DLG1: variants seen among roughly 807,000 people sequenced by gnomAD.
DLG1 encodes discs large MAGUK scaffold protein 1.
DLG1 carries 42 observed loss-of-function variants against 123.4 expected under a neutral mutation model. The observed-to-expected ratio is 0.34, with a 90% confidence interval of 0.27 to 0.44. DLG1 has a LOEUF of 0.44. Among genes scored for constraint, DLG1 ranks in the 20% least tolerant of loss-of-function variants. The pLI, the probability that DLG1 is intolerant of heterozygous loss-of-function variation, is 1.00. For missense variants in DLG1, 942 were observed against 1,082.6 expected (o/e 0.87, Z 1.82); for synonymous variants, 317 against 356.2 (o/e 0.89, Z 1.24).
intron 4 of DLG1, among the ~76,000 whole-genome samples, chr3:197,213,527 C>G (rs1732387224): frequency 6.6e-6 from 1 of 152,118 alleles, no homozygotes; most frequent in Non-Finnish European, 1.5e-5. Flanking sequence ...AAACTGTACG[C>G]TTTACACAGA....
At chr3:197,077,646 G>C (rs774640931) in intron 17 of DLG1, among the ~76,000 whole-genome samples, 45 of 152,222 alleles carry the variant, frequency 3.0e-4, no homozygotes, top group Non-Finnish European at 5.4e-4. Context: ...GTGGAGTTGA[G>C]CAGTTGATTT....
chr3:197,211,634 G>C (rs1287505530), intron 4 of DLG1, among the ~76,000 whole-genome samples: 1 of 146,520 alleles, frequency 6.8e-6, no homozygotes, highest in Non-Finnish European at 1.5e-5. Flanking sequence ...TGGAGAAAAG[G>C]GAATACTTAT....
At chr3:197,124,640 A>G (rs879928020) in intron 11 of DLG1, among the ~76,000 whole-genome samples, 2 of 152,022 alleles carry the variant, frequency 1.3e-5, no homozygotes, top group South Asian at 2.1e-4. Context: ...CACAGGTGCA[A>G]TAATAGTGCA....
rs996954967 is a variant in DLG1 at position 197,144,891 on chromosome 3, G to A, written c.538-2123C>T. ...GAATGCAGTGGCATAATCATAGCTC[G>A]TTGCAGCCTCAAACTCCTGGACTCA... On this transcript the variant is annotated intron_variant, in intron 6 of 24. Transcript: ENST00000667157. Among the ~76,000 whole-genome samples the A allele has an allele frequency of 1.9e-4, 29 of 152,084 alleles. 1 individual carries two copies. Among genetic ancestry groups the A allele is most frequent in the Admixed American group, 1.3e-3 (20 of 15,256 alleles).
At position 197,182,144 on chromosome 3, in the gene DLG1, A is replaced by T. The variant is rs73210536; in HGVS notation, c.483+12281T>A. On this transcript the variant is annotated intron_variant, in intron 5 of 24. Coordinates refer to ENST00000667157, the MANE Select transcript of DLG1 (RefSeq NM_001366207.1). ...TTTACATAAACCATATATATATATA[A>T]AAAGTTCTAAAGATATCTGTCTTGT... 2.7e-3 allele frequency among the ~76,000 whole-genome samples: 406 copies of T among 150,666 alleles called. 1 individual carries two copies. The highest frequency in any genetic ancestry group is 8.7e-3 in the South Asian group (42 of 4,806).
intron 18 of DLG1, chr3:197,075,726 T>A: frequency 1.2e-6 from 1 of 841,118 alleles, no homozygotes; most frequent in South Asian, 2.0e-5. Context: ...ATCTAAATCA[T>A]ACACCTCCTT....
At position 197,060,807 on chromosome 3, in the gene DLG1, C is replaced by A. The variant is rs115212861; in HGVS notation, c.2374-809G>T. ...AATACATTTGAAATCAGGCCCTCCC[C>A]GATAATGCAACTTCAGTTTTTTGTT... is the stretch of plus-strand genomic sequence containing the variant. On this transcript the variant is annotated intron_variant, in intron 22 of 24. Coordinates refer to ENST00000667157, the MANE Select transcript of DLG1 (RefSeq NM_001366207.1). Among the ~76,000 whole-genome samples, 1,481 of 152,210 alleles carry A rather than the reference C, an allele frequency of 9.7e-3. 28 individuals carry two copies. The highest frequency in any genetic ancestry group is 0.034 in the African/African-American group (1,394 of 41,532).
At chr3:197,288,378 AAAAAG>A (rs1249275839) in intron 3 of DLG1, among the ~76,000 whole-genome samples, 4 of 149,568 alleles carry the variant, frequency 2.7e-5, no homozygotes, top group Admixed American at 1.3e-4. Context: ...AAAAAAAAAA[AAAAAG>A]AAAAGAAAAG....
intron 5 of DLG1, among the ~76,000 whole-genome samples, chr3:197,179,821 A>AT: frequency 6.6e-6 from 1 of 152,250 alleles, no homozygotes; most frequent in Admixed American, 6.5e-5. Flanking sequence ...GACAAACAAT[A>AT]TTTTTTAAAG....
intron 18 of DLG1, 56 bp downstream of exon 18, chr3:197,076,530 G>A (rs1747371248): frequency 7.4e-7 from 1 of 1,348,890 alleles, no homozygotes. Context: ...CCAACTGCAG[G>A]GCAGTAGGTC....
chr3:197,224,964 T>C (rs1327467432), intron 4 of DLG1, among the ~76,000 whole-genome samples: 1 of 152,238 alleles, frequency 6.6e-6, no homozygotes, highest in East Asian at 1.9e-4. Flanking sequence ...GTTTTTATTG[T>C]TGCTGTTGTT....
chr3:197,157,719 T>C (rs905925702), intron 5 of DLG1, among the ~76,000 whole-genome samples: 1 of 152,134 alleles, frequency 6.6e-6, no homozygotes, highest in Non-Finnish European at 1.5e-5. Flanking sequence ...AATTTCACGG[T>C]ACCCTGAAAG....
At chr3:197,244,327 G>C (rs1271021169) in intron 4 of DLG1, among the ~76,000 whole-genome samples, 1 of 152,210 alleles carries the variant, frequency 6.6e-6, no homozygotes, top group Non-Finnish European at 1.5e-5. Flanking sequence ...TGGTAGACTG[G>C]AGGACCATTC....
intron 4 of DLG1, among the ~76,000 whole-genome samples, chr3:197,210,606 T>A (rs1055294458): frequency 8.4e-5 from 12 of 143,192 alleles, no homozygotes; most frequent in African/African-American, 2.9e-4. Context: ...ACAGTAAATG[T>A]GAGTGGCCTC....
intron 18 of DLG1, among the ~76,000 whole-genome samples, chr3:197,076,197 A>G (rs1179833190): frequency 6.6e-6 from 1 of 152,180 alleles, no homozygotes; most frequent in Non-Finnish European, 1.5e-5. Flanking sequence ...GATTCCAGAG[A>G]ATCCAGTTAT....
chr3:197,269,062 G>C (rs1762875836), intron 4 of DLG1, among the ~76,000 whole-genome samples: 2 of 152,162 alleles, frequency 1.3e-5, no homozygotes, highest in Admixed American at 1.3e-4. Flanking sequence ...GGGCCTGCCT[G>C]AGGCCGTTTT....
At chr3:197,164,656 C>CT (rs1438782500) in intron 5 of DLG1, among the ~76,000 whole-genome samples, 1 of 151,142 alleles carries the variant, frequency 6.6e-6, no homozygotes, top group Non-Finnish European at 1.5e-5. Flanking sequence ...AATCCTAGCA[C>CT]TTTCGGAGGA....
At chr3:197,051,465 A>G in intron 24 of DLG1, 112 bp downstream of exon 24, 3 of 777,330 alleles carry the variant, frequency 3.9e-6, no homozygotes, top group East Asian at 5.2e-5. Context: ...GGATGATACT[A>G]GTTACTACGG....
In DLG1 at chr3:197,051,833, A is replaced by ATTT. The variant is rs35979905; in HGVS notation, c.2484-168_2484-166dup. Among the ~76,000 whole-genome samples, 273 of 90,286 alleles carry ATTT rather than the reference A, an allele frequency of 3.0e-3. 3 individuals carry two copies. Among genetic ancestry groups the ATTT allele is most frequent in the South Asian group, 7.5e-3 (19 of 2,546 alleles). 59.2% of individuals were successfully genotyped at this position (90,286 alleles called of 152,430 possible). ...TGAGTCATTCTGGTCATTTCTGGGA[A>ATTT]TTTTTTTTTTTTTTTTTTTTTTTTT... On this transcript the variant is annotated intron_variant, in intron 23 of 24. Transcript: ENST00000667157.
Sources: gnomAD v4.1 joint callset for allele counts (sites outside exome capture counted in the v4.1 genomes callset) on GRCh38, gnomAD v4.1.1 for gene constraint, MANE v1.5 for transcripts, NCBI Gene and HGNC (gene_info 2026-07-23, HGNC 2026-07-21) for gene names.